PLAG1: variants seen among roughly 807,000 people sequenced by gnomAD.
PLAG1 encodes PLAG1 zinc finger, also known as zinc finger protein PLAG1.
In PLAG1, 7 loss-of-function variants were observed where a neutral mutation model predicts 35.5. The ratio of observed to expected loss-of-function variants is 0.20; its 90% CI spans 0.11 to 0.37. The LOEUF (loss-of-function observed/expected upper bound fraction) is 0.37. PLAG1 is among the 10% of genes least tolerant of loss of function. The probability of loss-of-function intolerance (pLI) is 1.00; values close to 1 mark genes in which losing one functional copy is unlikely to be tolerated. For synonymous variants in PLAG1, 229 were observed against 225.4 expected (o/e 1.02, Z -0.14); for missense variants, 454 against 602.8 (o/e 0.75, Z 2.58).
chr8:56,179,023 CAAAAAAAAAA>C lies in PLAG1; in HGVS notation c.-217+376_-217+385del, dbSNP rs1173709224. 7.0e-5 allele frequency among the ~76,000 whole-genome samples: 3 copies of C among 42,934 alleles called. No homozygotes were observed. The Admixed American group carries it at 8.9e-4, about 13-fold the overall frequency. The allele number at this position is 42,934 out of a possible 152,430, so 28.2% of individuals were successfully genotyped here. On this transcript the variant is annotated intron_variant, in intron 2 of 4. Transcript: ENST00000316981. ...AGGTAATAGGATCCCGCCCAGGAGA[CAAAAAAAAAA>C]AAAAAAAAAAAAAAAAGATATAAGG... is the stretch of plus-strand genomic sequence containing the variant.
chr8:56,199,636 C>T (rs956120067), intron 1 of PLAG1, among the ~76,000 whole-genome samples: 1 of 152,070 alleles, frequency 6.6e-6, no homozygotes, highest in Admixed American at 6.5e-5. Flanking sequence ...CTGGAGTAAC[C>T]GGCTGGCTCC....
chr8:56,178,124 A>G (rs1187852679), intron 2 of PLAG1: 1 of 360,152 alleles, frequency 2.8e-6, no homozygotes, highest in Non-Finnish European at 3.9e-6. Context: ...GTGAAGTTCT[A>G]TGGGAAGGAA....
At chr8:56,175,248 C>T (rs564637302) in intron 2 of PLAG1, among the ~76,000 whole-genome samples, 2 of 152,266 alleles carry the variant, frequency 1.3e-5, no homozygotes, top group Non-Finnish European at 2.9e-5. Flanking sequence ...TCAACTAATA[C>T]AAGTAGATAA....
At position 56,166,774 on chromosome 8, in the gene PLAG1, A is replaced by C. The variant is rs1428162880; in HGVS notation, c.972T>G (p.Val324=). 6.2e-7 allele frequency: 1 copy of C among 1,614,114 alleles called. No homozygotes were observed. The highest frequency in any genetic ancestry group is 2.2e-5 in the East Asian group (1 of 44,878). Residue 324 remains valine (V), a synonymous_variant, in exon 5 of 5, where the codon GTT becomes GTG. Transcript: ENST00000316981. ...TGAAAGAAAGGTGGTGAGAGGGATG[A>C]ACAGTGTCCATATCTATTGGGCATG... ...GMTCPIDMDT[V]HPSHHLSFKY...
Position 56,166,849 on chromosome 8 carries a change from C to T in PLAG1, c.897G>A (p.Gln299=), listed in dbSNP as rs1388907488. ...TCATTTGGTGGGCAGATCCCGAGCT[C>T]TGCATGGACTGAAATGGAGTGTTGT... The part of the protein sequence containing the change: ...NLYNTPFQSM[Q]SSGSAHQMIT... The change falls in exon 5 of 5, where the codon CAG becomes CAA. Residue 299 remains glutamine (Q), a synonymous_variant. Coordinates refer to ENST00000316981, the MANE Select transcript of PLAG1 (RefSeq NM_002655.3). The T allele has an allele frequency of 1.9e-6, 3 of 1,613,970 alleles. No homozygotes were observed. The African/African-American group carries it at 4.0e-5, about 22-fold the overall frequency.
At chr8:56,186,300 T>C (rs549834278) in intron 1 of PLAG1, among the ~76,000 whole-genome samples, 1 of 152,356 alleles carries the variant, frequency 6.6e-6, no homozygotes, top group African/African-American at 2.4e-5. Flanking sequence ...TTGTGTGCCT[T>C]TGTTGGTCTC....
At chr8:56,209,729 C>G (rs1055508588) in intron 1 of PLAG1, among the ~76,000 whole-genome samples, 2 of 152,130 alleles carry the variant, frequency 1.3e-5, no homozygotes, top group Non-Finnish European at 2.9e-5. Flanking sequence ...CATCCCTCCC[C>G]AAAAGGTACT....
intron 1 of PLAG1, among the ~76,000 whole-genome samples, chr8:56,192,051 T>C (rs1247257839): frequency 1.3e-5 from 2 of 151,986 alleles, no homozygotes; most frequent in Non-Finnish European, 2.9e-5. Context: ...TGGCTAAGAA[T>C]GGAAAACACG....
intron 2 of PLAG1, among the ~76,000 whole-genome samples, chr8:56,176,047 T>TTTC (rs34685195): frequency 7.6e-5 from 6 of 78,988 alleles, no homozygotes; most frequent in African/African-American, 3.9e-4. Context: ...TTTCCTTTTC[T>TTTC]TTTTTTTTTT....
At chr8:56,169,712 T>A (rs1030873837) in intron 3 of PLAG1, among the ~76,000 whole-genome samples, 68 of 152,268 alleles carry the variant, frequency 4.5e-4, no homozygotes, top group African/African-American at 1.6e-3. Context: ...TGGCTAATTA[T>A]TTTTTATCTT....
At chr8:56,209,125 G>A (rs1812777640) in intron 1 of PLAG1, 1 of 152,196 alleles carries the variant, frequency 6.6e-6, no homozygotes, top group Non-Finnish European at 1.5e-5. Flanking sequence ...CAAAATGGCT[G>A]TAAAATCACA....
intron 1 of PLAG1, among the ~76,000 whole-genome samples, chr8:56,194,745 C>T (rs140293898): frequency 3.1e-3 from 473 of 151,972 alleles, no homozygotes; most frequent in African/African-American, 0.011. Flanking sequence ...AGGAGTCTGC[C>T]GGGTGTGGTT....
At chr8:56,208,157 AAATGCACAGCAT>A (rs778122557) in intron 1 of PLAG1, among the ~76,000 whole-genome samples, 8 of 152,102 alleles carry the variant, frequency 5.3e-5, no homozygotes, top group Admixed American at 1.3e-4. Context: ...CATTTATTTT[AAATGCACAGCAT>A]AATTCTGACT....
In PLAG1 at chr8:56,162,553, TTAAAA is replaced by T. The variant is rs1238187380; in HGVS notation, c.*3685_*3689del. 12 of 210,888 alleles carry T rather than the reference TTAAAA, an allele frequency of 5.7e-5. No individual in the cohort carries two copies. In the East Asian group the frequency reaches 7.2e-4, roughly 13 times the overall value. The allele number at this position is 210,888 out of a possible 1,614,324, so 13.1% of individuals were successfully genotyped here. A position where few individuals can be genotyped will look rare whatever the true frequency, so the allele number is the denominator to read the frequency against. ...AATGGCACTTGAATTATAATAAGTC[TTAAAA>T]TAAAAGGCATAACCTATAAGAAAGT... On this transcript the variant is annotated 3_prime_UTR_variant, in exon 5 of 5. Transcript: ENST00000316981.
chr8:56,163,722 G>A lies in PLAG1; in HGVS notation c.*2521C>T, dbSNP rs146061083. On this transcript the variant is annotated 3_prime_UTR_variant, in exon 5 of 5. Coordinates refer to ENST00000316981, the MANE Select transcript of PLAG1 (RefSeq NM_002655.3). ...ACATACACATACATACATATATGGC[G>A]CTATTCCCCATTTCCAAAATGCTTT... 31 of 189,526 alleles carry A rather than the reference G, an allele frequency of 1.6e-4. No homozygotes were observed. In the East Asian group the frequency reaches 2.2e-3, roughly 13 times the overall value. 11.7% of individuals were successfully genotyped at this position (189,526 alleles called of 1,614,324 possible).
intron 1 of PLAG1, 98 bp downstream of exon 1, chr8:56,211,023 T>G (rs567874454): frequency 6.7e-6 from 1 of 149,112 alleles, no homozygotes; most frequent in East Asian, 2.0e-4. Flanking sequence ...CCGCCGCCGC[T>G]GCTCCTCTGC....
intron 1 of PLAG1, among the ~76,000 whole-genome samples, chr8:56,210,010 G>A (rs1812813491): frequency 6.6e-6 from 1 of 152,050 alleles, no homozygotes; most frequent in African/African-American, 2.4e-5. Flanking sequence ...TCTTATCTGA[G>A]ATCAGTCCAC....
intron 1 of PLAG1, among the ~76,000 whole-genome samples, chr8:56,189,098 G>C (rs1021417004): frequency 6.6e-6 from 1 of 152,198 alleles, no homozygotes; most frequent in Admixed American, 6.5e-5. Context: ...GATGCACACA[G>C]GGGAAACTCA....
chr8:56,183,411 C>T (rs1811929150), intron 1 of PLAG1, among the ~76,000 whole-genome samples: 1 of 152,082 alleles, frequency 6.6e-6, no homozygotes, highest in Non-Finnish European at 1.5e-5. Flanking sequence ...AAAAACCATG[C>T]AGTTAAAGAA....
Sources: gnomAD v4.1 joint callset for allele counts (sites outside exome capture counted in the v4.1 genomes callset) on GRCh38, gnomAD v4.1.1 for gene constraint, MANE v1.5 for transcripts, NCBI Gene and HGNC (gene_info 2026-07-23, HGNC 2026-07-21) for gene names.